Variants in DSCAML1 observed in about 807,000 individuals in gnomAD.
DSCAML1 encodes the protein DS cell adhesion molecule like 1.
DSCAML1 carries 38 observed loss-of-function variants against 200.5 expected under a neutral mutation model. The ratio of observed to expected loss-of-function variants is 0.19; its 90% CI spans 0.15 to 0.25. The LOEUF (loss-of-function observed/expected upper bound fraction) is 0.25. Among genes scored for constraint, DSCAML1 ranks in the 10% least tolerant of loss-of-function variants. The pLI, the probability that DSCAML1 is intolerant of heterozygous loss-of-function variation, is 1.00. For missense variants in DSCAML1, 2,223 were observed against 2,858.8 expected (o/e 0.78, Z 5.07); for synonymous variants, 1,215 against 1,165.0 (o/e 1.04, Z -0.87).
In DSCAML1 at chr11:117,480,685, A is replaced by C. The variant is rs2048896724; in HGVS notation, c.2657-114T>G. 1.6e-6 allele frequency: 2 copies of C among 1,278,642 alleles called. No individual in the cohort carries two copies. The highest frequency in any genetic ancestry group is 2.9e-5 in the African/African-American group (2 of 68,060). The allele number at this position is 1,278,642 out of a possible 1,614,324, so 79.2% of individuals were successfully genotyped here. A position where few individuals can be genotyped will look rare whatever the true frequency, so the allele number is the denominator to read the frequency against. ...GTCTAGCCAAGGACTCTGGCACCCTAGGGTTTGAGCAGGGTGGGGGCTGGA... is the reference window on the plus strand; with the variant it reads ...GTCTAGCCAAGGACTCTGGCACCCTCGGGTTTGAGCAGGGTGGGGGCTGGA... On this transcript the variant is annotated intron_variant, in intron 13 of 32. Transcript: ENST00000651296. The surrounding 1 kb of genome is among the most constrained non-coding windows in gnomAD (Gnocchi z 4.1).
chr11:117,486,413 GCGGATGT>G (rs1430520940), intron 11 of DSCAML1, among the ~76,000 whole-genome samples: 2 of 150,492 alleles, frequency 1.3e-5, no homozygotes, highest in African/African-American at 4.8e-5. Flanking sequence ...TGGGAAAGTG[GCGGATGT>G]GAAAATGGCG....
chr11:117,461,070 C>T (rs369405293), intron 18 of DSCAML1, among the ~76,000 whole-genome samples: 6 of 151,432 alleles, frequency 4.0e-5, no homozygotes, highest in African/African-American at 9.7e-5. Flanking sequence ...AATATCAACA[C>T]TGAAACTAGA....
At chr11:117,476,859 A>G (rs1458463495) in intron 14 of DSCAML1, among the ~76,000 whole-genome samples, 1 of 152,136 alleles carries the variant, frequency 6.6e-6, no homozygotes, top group Admixed American at 6.5e-5. Context: ...ATTTGGGGCA[A>G]AGAAGGTCGG....
chr11:117,796,798 C>A (rs929767023), intron 1 of DSCAML1, among the ~76,000 whole-genome samples: 1 of 152,184 alleles, frequency 6.6e-6, no homozygotes, highest in Non-Finnish European at 1.5e-5. Flanking sequence ...TTTGCCACCA[C>A]CCCTACGGGC....
intron 3 of DSCAML1, among the ~76,000 whole-genome samples, chr11:117,585,192 TTC>T (rs369279257): frequency 1.3e-5 from 2 of 152,258 alleles, no homozygotes; most frequent in East Asian, 3.9e-4. Flanking sequence ...AATTCATACT[TTC>T]TGTCCCCCAA....
upstream of DSCAML1, chr11:117,801,919 A>G (rs941192587): frequency 3.3e-5 from 5 of 152,058 alleles, no homozygotes; most frequent in African/African-American, 4.8e-5. Flanking sequence ...TCAGCTCACA[A>G]CTCTGAAATC....
At chr11:117,633,523 C>T (rs548232037) in intron 3 of DSCAML1, among the ~76,000 whole-genome samples, 103 of 152,298 alleles carry the variant, frequency 6.8e-4, no homozygotes, top group Admixed American at 1.8e-3. Flanking sequence ...CAGGTTTTCA[C>T]GCAGAATTTT....
chr11:117,738,172 A>G (rs2054355354), intron 3 of DSCAML1, among the ~76,000 whole-genome samples: 1 of 152,172 alleles, frequency 6.6e-6, no homozygotes, highest in Non-Finnish European at 1.5e-5. Flanking sequence ...AGAAGGGGAC[A>G]GTTTCAAATG....
intron 14 of DSCAML1, among the ~76,000 whole-genome samples, chr11:117,477,349 A>AGTGTGTGTGTGTGTGTGTGTGT (rs5795087): frequency 2.4e-4 from 33 of 140,190 alleles, no homozygotes; most frequent in South Asian, 4.9e-4. Context: ...TGGTTCTGAA[A>AGTGTGTGTGTGTGTGTGTGTGT]GTGTGTGTGT....
At chr11:117,800,432 GAACA>G (rs1299904474), upstream of DSCAML1, among the ~76,000 whole-genome samples, 7 of 152,340 alleles carry the variant, frequency 4.6e-5, no homozygotes, top group African/African-American at 1.7e-4. Context: ...GCCAGAGTGA[GAACA>G]AACACAGTTG....
intron 11 of DSCAML1, among the ~76,000 whole-genome samples, chr11:117,483,906 G>A (rs2048981945): frequency 6.6e-6 from 1 of 151,772 alleles, no homozygotes; most frequent in Non-Finnish European, 1.5e-5. Flanking sequence ...CCCATTCAGG[G>A]GAATACCTCT....
chr11:117,443,791 C>G, intron 21 of DSCAML1, 95 bp downstream of exon 21: 1 of 1,477,996 alleles, frequency 6.8e-7, no homozygotes, highest in Non-Finnish European at 9.0e-7. Context: ...GCAGATAAAG[C>G]GGAGCAGGCA....
At chr11:117,706,307 T>C (rs568603980) in intron 3 of DSCAML1, among the ~76,000 whole-genome samples, 2 of 152,228 alleles carry the variant, frequency 1.3e-5, no homozygotes, top group Non-Finnish European at 2.9e-5. Context: ...GTTTGTTCGA[T>C]TGTTTCCAAT....
Position 117,428,554 on chromosome 11 carries a change from G to A in DSCAML1, c.5936C>T (p.Pro1979Leu), listed in dbSNP as rs779859656. 42 of 1,547,806 alleles carry A rather than the reference G, an allele frequency of 2.7e-5. No homozygotes were observed. Among genetic ancestry groups the A allele is most frequent in the Admixed American group, 2.7e-4 (14 of 52,074 alleles). The change falls in exon 33 of 33, where the codon CCC (proline) becomes CTC (leucine). Residue 1979 changes from proline (P) to leucine (L), a missense_variant. By Grantham distance (98) the Pro-to-Leu change is moderately conservative. Around this residue, in one of 7 missense-constraint regions of DSCAML1, gnomAD observed 280 missense variants for 213.4 expected, o/e 1.31. Coordinates refer to ENST00000651296, the MANE Select transcript of DSCAML1 (RefSeq NM_020693.4). ...LPQRTLAMPA[P>L]PAGTAPPAPG... ...GGCTGGGGGGGCTGTGCCGGCTGGGGGGGCTGGCATGGCCAGAGTCCTCTG... is the reference window on the plus strand; with the variant it reads ...GGCTGGGGGGGCTGTGCCGGCTGGGAGGGCTGGCATGGCCAGAGTCCTCTG...
chr11:117,633,631 T>C (rs1436395643), intron 3 of DSCAML1, among the ~76,000 whole-genome samples: 6 of 152,200 alleles, frequency 3.9e-5, no homozygotes, highest in African/African-American at 1.4e-4. Context: ...TCCTTCAGCA[T>C]GTGGGAGAAG....
At position 117,428,784 on chromosome 11, in the gene DSCAML1, G is replaced by T; in HGVS notation, c.5706C>A (p.Pro1902=). The change falls in exon 33 of 33, where the codon CCC becomes CCA. Residue 1902 remains proline, a synonymous_variant. Transcript: ENST00000651296. ...RANKSDYCNL[P]LYAKSEAFFR... is the part of the protein sequence containing the mutation. ...AGAAGGCCTCTGACTTGGCATACAG[G>T]GGCAGGTTGCAGTAGTCACCTGGAA... 6.2e-7 allele frequency: 1 copy of T among 1,605,844 alleles called. No homozygotes were observed.
At chr11:117,476,972 C>T (rs2048806342) in intron 14 of DSCAML1, among the ~76,000 whole-genome samples, 1 of 152,112 alleles carries the variant, frequency 6.6e-6, no homozygotes, top group Admixed American at 6.5e-5. Flanking sequence ...TTATCATGTG[C>T]CAGGCTGGGT....
chr11:117,646,326 C>T (rs1287475940), intron 3 of DSCAML1, among the ~76,000 whole-genome samples: 4 of 139,324 alleles, frequency 2.9e-5, no homozygotes, highest in Non-Finnish European at 6.2e-5. Flanking sequence ...TTCTGTCAAG[C>T]TCTCGAGATG....
chr11:117,800,493 C>T (rs560161381), upstream of DSCAML1, among the ~76,000 whole-genome samples: 3 of 152,352 alleles, frequency 2.0e-5, no homozygotes, highest in Admixed American at 6.5e-5. Context: ...CACCTAATGA[C>T]AGGCACACCT....
Sources: allele counts gnomAD v4.1 joint callset (sites outside exome capture counted in the v4.1 genomes callset), GRCh38; gene constraint gnomAD v4.1.1; regional missense constraint gnomAD v4.1.1; non-coding constraint Gnocchi (gnomAD v3.1); transcripts MANE v1.5; gene names NCBI Gene and HGNC (gene_info 2026-07-23, HGNC 2026-07-21).